Variants in CDH13 observed in about 807,000 individuals in gnomAD.
The protein encoded by CDH13 is cadherin-13.
CDH13 carries 24 observed loss-of-function variants against 63.8 expected under a neutral mutation model. The observed-to-expected ratio is 0.38, with a 90% CI of 0.27 to 0.53. CDH13 has a LOEUF of 0.53. CDH13 is among the 20% of genes least tolerant of loss of function. CDH13 has a pLI of 0.85. For synonymous variants in CDH13, 503 were observed against 355.3 expected, an observed-to-expected ratio of 1.42 and a Z score of -4.67; for missense variants, 1,049 against 903.1, an observed-to-expected ratio of 1.16 and a Z score of -2.07.
At position 82,936,482 on chromosome 16, in the gene CDH13, C is replaced by G. The variant is rs1402475004; in HGVS notation, c.157+78009C>G. Among the ~76,000 whole-genome samples, 7 of 152,196 alleles carry G rather than the reference C, an allele frequency of 4.6e-5. No homozygotes were observed. In the East Asian group the frequency reaches 1.2e-3, roughly 25 times the overall value. On this transcript the variant is annotated intron_variant, in intron 2 of 13. Coordinates refer to ENST00000567109, the MANE Select transcript of CDH13 (RefSeq NM_001257.5). ...CACCCCACCCACCAACTTTCCCCATCCCATGAAAAAATTAGCTTCCACAAA... is the reference window on the plus strand; with the variant it reads ...CACCCCACCCACCAACTTTCCCCATGCCATGAAAAAATTAGCTTCCACAAA...
intron 2 of CDH13, among the ~76,000 whole-genome samples, chr16:82,906,503 A>T (rs1177352150): frequency 6.6e-6 from 1 of 152,180 alleles, no homozygotes; most frequent in African/African-American, 2.4e-5. Context: ...TTTCCTTGCT[A>T]ATGGACTGGG....
intron 10 of CDH13, among the ~76,000 whole-genome samples, chr16:83,728,093 T>C (rs1910621554): frequency 6.6e-6 from 1 of 152,110 alleles, no homozygotes; most frequent in African/African-American, 2.4e-5. Flanking sequence ...CATACTCAGA[T>C]GTGGACAGCA....
rs1717867273 is a variant in CDH13, at chr16:82,941,454, T to C, written c.157+82981T>C. 2.0e-5 allele frequency among the ~76,000 whole-genome samples: 3 copies of C among 152,192 alleles called. No homozygotes were observed. In the South Asian group the frequency reaches 6.2e-4, roughly 32 times the overall value. ...CCTAGCTCTAAGATCAGCTTCTGCT[T>C]ATTTCGTTGTTTTGCTTCATCATCT... On this transcript the variant is annotated intron_variant, in intron 2 of 13. Coordinates refer to ENST00000567109, the MANE Select transcript of CDH13 (RefSeq NM_001257.5).
At chr16:83,450,398 T>C (rs927316955) in intron 6 of CDH13, among the ~76,000 whole-genome samples, 4 of 152,068 alleles carry the variant, frequency 2.6e-5, no homozygotes, top group Non-Finnish European at 2.9e-5. Flanking sequence ...CTCTGAAAAA[T>C]GGGTGGTGTT....
chr16:82,711,528 T>G (rs992999706), intron 1 of CDH13, among the ~76,000 whole-genome samples: 2 of 152,128 alleles, frequency 1.3e-5, no homozygotes, highest in Non-Finnish European at 2.9e-5. Context: ...GAAAAAAGAT[T>G]AGAGGGTTCT....
chr16:83,793,709 G>A (rs1319333633), intron 13 of CDH13, among the ~76,000 whole-genome samples: 1 of 152,030 alleles, frequency 6.6e-6, no homozygotes, highest in African/African-American at 2.4e-5. Flanking sequence ...ATACTCAGGA[G>A]GCTGAGGCAA....
intron 1 of CDH13, chr16:82,727,406 C>T (rs779551757): frequency 3.9e-5 from 6 of 152,106 alleles, no homozygotes; most frequent in Admixed American, 2.6e-4. Flanking sequence ...TCACAAATGT[C>T]TGTGATGCAC....
chr16:83,535,529 G>C (rs1363976155), intron 7 of CDH13, among the ~76,000 whole-genome samples: 1 of 152,194 alleles, frequency 6.6e-6, no homozygotes, highest in Admixed American at 6.5e-5. Flanking sequence ...ACAGGCATCT[G>C]TGACTTACAG....
chr16:82,657,305 G>T (rs1911412130), intron 1 of CDH13, among the ~76,000 whole-genome samples: 1 of 152,176 alleles, frequency 6.6e-6, no homozygotes, highest in South Asian at 2.1e-4. Flanking sequence ...ATGCATGTGG[G>T]CTGTCTCTCT....
chr16:82,796,872 C>T (rs185627404), intron 1 of CDH13, among the ~76,000 whole-genome samples: 288 of 152,322 alleles, frequency 1.9e-3, no homozygotes, highest in African/African-American at 6.5e-3. Flanking sequence ...GTTTCTCCAA[C>T]GGCTGCACCT....
intron 2 of CDH13, among the ~76,000 whole-genome samples, chr16:82,904,046 C>T (rs543540458): frequency 8.1e-4 from 123 of 151,938 alleles, no homozygotes; most frequent in Non-Finnish European, 1.5e-3. Flanking sequence ...AATTATAACC[C>T]GTTATTAAAA....
At chr16:82,718,098 G>C (rs1431839712) in intron 1 of CDH13, among the ~76,000 whole-genome samples, 1 of 152,188 alleles carries the variant, frequency 6.6e-6, no homozygotes, top group East Asian at 1.9e-4. Context: ...GTAAGGCAGT[G>C]GGGGAAGTGA....
At chr16:83,416,854 G>C (rs1161253276) in intron 6 of CDH13, among the ~76,000 whole-genome samples, 1 of 152,174 alleles carries the variant, frequency 6.6e-6, no homozygotes, top group South Asian at 2.1e-4. Context: ...TCATCAGTAA[G>C]ATGGGGATAA....
chr16:82,894,701 A>C (rs1482142677), intron 2 of CDH13, among the ~76,000 whole-genome samples: 1 of 152,196 alleles, frequency 6.6e-6, no homozygotes, highest in Non-Finnish European at 1.5e-5. Context: ...TCCCAGAAAA[A>C]AATAAAATAA....
intron 6 of CDH13, among the ~76,000 whole-genome samples, chr16:83,392,257 G>A (rs1052311384): frequency 6.6e-6 from 1 of 152,192 alleles, no homozygotes; most frequent in South Asian, 2.1e-4. Context: ...TGTGATATGG[G>A]TGCATGGAGG....
chr16:82,878,870 T>G (rs2040596307), intron 2 of CDH13, among the ~76,000 whole-genome samples: 1 of 152,104 alleles, frequency 6.6e-6, no homozygotes, highest in South Asian at 2.1e-4. Context: ...CAGGACTGAT[T>G]TTACTGAGCA....
chr16:83,576,331 C>T (rs529650918), intron 7 of CDH13, among the ~76,000 whole-genome samples: 15 of 152,194 alleles, frequency 9.9e-5, no homozygotes, highest in East Asian at 1.9e-4. Flanking sequence ...TTGTAGCATG[C>T]ATCAGTATTT....
In CDH13 at chr16:83,228,962, A is replaced by G. The variant is rs78209047; in HGVS notation, c.636+11465A>G. Reference sequence around the variant, plus strand: ...ATCAGATAGATGCAGTTTTCACCCAAGAAGACCTGGGTAGTGAATGGGATT... The same window carrying G: ...ATCAGATAGATGCAGTTTTCACCCAGGAAGACCTGGGTAGTGAATGGGATT... On this transcript the variant is annotated intron_variant, in intron 5 of 13. Transcript: ENST00000567109. Among the ~76,000 whole-genome samples, 936 of 152,294 alleles carry G rather than the reference A, an allele frequency of 6.1e-3. 9 individuals are homozygous for G. Among genetic ancestry groups the G allele is most frequent in the African/African-American group, 0.022 (894 of 41,560 alleles).
At chr16:83,225,440 C>T (rs1024805274) in intron 5 of CDH13, among the ~76,000 whole-genome samples, 3 of 152,208 alleles carry the variant, frequency 2.0e-5, no homozygotes, top group Admixed American at 2.0e-4. Context: ...GGCTTCCTTG[C>T]TGCATCCTGC....
Sources: gnomAD v4.1 joint callset for allele counts (sites outside exome capture counted in the v4.1 genomes callset) on GRCh38, gnomAD v4.1.1 for gene constraint, MANE v1.5 for transcripts, NCBI Gene and HGNC (gene_info 2026-07-23, HGNC 2026-07-21) for gene names.